TRAF3IP2: variants seen among roughly 807,000 people sequenced by gnomAD.
TRAF3IP2 encodes TRAF3 interacting protein 2, also known as E3 ubiquitin ligase TRAF3IP2.
TRAF3IP2 carries 35 observed loss-of-function variants against 57.9 expected under a neutral mutation model. The observed-to-expected ratio is 0.60, with a 90% CI of 0.46 to 0.80. TRAF3IP2 has a LOEUF of 0.80. TRAF3IP2 is among the 30% of genes least tolerant of loss of function. TRAF3IP2 has a pLI of 0.00. For missense variants in TRAF3IP2, 556 were observed against 706.4 expected (o/e 0.79, Z 2.41); for synonymous variants, 251 against 268.9 (o/e 0.93, Z 0.65).
At chr6:111,595,048 A>C (rs556112171) in intron 1 of TRAF3IP2, among the ~76,000 whole-genome samples, 1 of 152,350 alleles carries the variant, frequency 6.6e-6, no homozygotes, top group Admixed American at 6.5e-5. Context: ...CCTGGCCAAC[A>C]TGGTGAAACC....
rs1017585005 is a variant in TRAF3IP2 at position 111,599,066 on chromosome 6, ATTTTTT to A, written c.-9+6704_-9+6709del. On this transcript the variant is annotated intron_variant, in intron 1 of 8. Transcript: ENST00000368761. The stretch of plus-strand genomic sequence containing the variant: ...AGGCATGCACCACCACACCTGGTTA[ATTTTTT>A]TTTTTTTTTTTTTTTTGTAGCGACA... Among the ~76,000 whole-genome samples, 19 of 129,058 alleles carry A rather than the reference ATTTTTT, an allele frequency of 1.5e-4. 1 individual carries two copies. The highest frequency in any genetic ancestry group is 1.3e-3 in the East Asian group (6 of 4,700). 84.7% of individuals were successfully genotyped at this position (129,058 alleles called of 152,430 possible).
intron 3 of TRAF3IP2, chr6:111,576,377 T>C (rs936281139): frequency 3.3e-5 from 5 of 152,298 alleles, no homozygotes. Flanking sequence ...CCACGAGCAT[T>C]CTGCTGAGAT....
rs755939708 is a variant in TRAF3IP2 at position 111,591,559 on chromosome 6, C to T, written c.528G>A (p.Glu176=). The T allele has an allele frequency of 4.3e-6, 7 of 1,614,132 alleles. No homozygotes were observed. ...ASADSLGGSQ[E]MVQRPQPHRN... is the part of the protein sequence containing the mutation. ...TGTGAGGCTGGGGCCGTTGCACCAT[C>T]TCCTGGCTACCGCCCAAGGAGTCTG... The change falls in exon 2 of 9, where the codon GAG becomes GAA. Residue 176 remains glutamate (E), a synonymous_variant. Transcript: ENST00000368761. The surrounding 1 kb of genome is among the most constrained non-coding windows in gnomAD (Gnocchi z 4.9).
At chr6:111,587,244 T>C (rs1204718961) in intron 2 of TRAF3IP2, 9 of 152,204 alleles carry the variant, frequency 5.9e-5, no homozygotes, top group Admixed American at 5.9e-4. Context: ...TTTATTTTTA[T>C]GTTTTCTATG....
At chr6:111,580,050 G>GA (rs34781420) in intron 3 of TRAF3IP2, 147 bp downstream of exon 3, 52,988 of 897,896 alleles carry the variant, frequency 0.059, 1,786 homozygotes, top group African/African-American at 0.067. Flanking sequence ...CTCCTGACCT[G>GA]AAAAGTCTAT....
rs955583749 is a variant in TRAF3IP2 at position 111,567,243 on chromosome 6, C to A, written c.1359+381G>T. The A allele has an allele frequency of 3.9e-6, 4 of 1,015,282 alleles. No individual in the cohort carries two copies. In the African/African-American group the frequency reaches 6.9e-5, roughly 18 times the overall value. The allele number at this position is 1,015,282 out of a possible 1,614,324, so 62.9% of individuals were successfully genotyped here. A position where few individuals can be genotyped will look rare whatever the true frequency, so the allele number is the denominator to read the frequency against. On this transcript the variant is annotated intron_variant, in intron 6 of 8. Transcript: ENST00000368761. ...CGGGGGTGGTGTGCTGTGCAGCCTG[C>A]GAGGCTGCCTAGGAAACCTCTTCAG...
At position 111,599,865 on chromosome 6, in the gene TRAF3IP2, G is replaced by T. The variant is rs537997522; in HGVS notation, c.-9+5911C>A. On this transcript the variant is annotated intron_variant, in intron 1 of 8. Coordinates refer to ENST00000368761, the MANE Select transcript of TRAF3IP2 (RefSeq NM_147686.4). ...AGTGAACAGTGGCTTCTGCCTTCCA[G>T]ATGGGCTTACCCTAAATCAACACAT... 1.3e-5 allele frequency: 2 copies of T among 152,288 alleles called. 1 individual carries two copies. Among genetic ancestry groups the T allele is most frequent in the East Asian group, 3.9e-4 (2 of 5,180 alleles). 9.4% of individuals were successfully genotyped at this position (152,288 alleles called of 1,614,324 possible).
intron 2 of TRAF3IP2, among the ~76,000 whole-genome samples, chr6:111,582,823 CACT>C (rs1796208456): frequency 6.6e-6 from 1 of 152,150 alleles, no homozygotes; most frequent in South Asian, 2.1e-4. Context: ...TCTTGCCTCC[CACT>C]ACACTCTCAC....
intron 2 of TRAF3IP2, chr6:111,587,252 A>G (rs981135207): frequency 6.6e-6 from 1 of 151,708 alleles, no homozygotes; most frequent in African/African-American, 2.4e-5. Context: ...TATGTTTTCT[A>G]TGTGTTTTTG....
chr6:111,562,725 A>T (rs1439365519), intron 8 of TRAF3IP2, among the ~76,000 whole-genome samples: 1 of 151,998 alleles, frequency 6.6e-6, no homozygotes, highest in Non-Finnish European at 1.5e-5. Context: ...GGGACCTGTA[A>T]TCCCAGCTAC....
Position 111,559,371 on chromosome 6 carries a change from T to C in TRAF3IP2, c.*34A>G, listed in dbSNP as rs1296563854. 23 of 1,602,686 alleles carry C rather than the reference T, an allele frequency of 1.4e-5. No homozygotes were observed. In the Admixed American group the frequency reaches 3.2e-4, roughly 23 times the overall value. ...TGCTGTCAGAACAAGGCCCCAAACA[T>C]GGCCTGGCCTCAGTGATCTGGGGAT... On this transcript the variant is annotated 3_prime_UTR_variant, in exon 9 of 9. Coordinates refer to ENST00000368761, the MANE Select transcript of TRAF3IP2 (RefSeq NM_147686.4).
intron 2 of TRAF3IP2, among the ~76,000 whole-genome samples, chr6:111,587,518 G>C (rs1158824841): frequency 6.6e-6 from 1 of 151,950 alleles, no homozygotes; most frequent in Non-Finnish European, 1.5e-5. Context: ...GCCTCCCAAG[G>C]TGTTGGGATT....
At chr6:111,605,444 G>T (rs1282357695) in intron 1 of TRAF3IP2, among the ~76,000 whole-genome samples, 2 of 152,234 alleles carry the variant, frequency 1.3e-5, no homozygotes, top group Non-Finnish European at 2.9e-5. Flanking sequence ...TTGAATTCTT[G>T]AGAGAAACTT....
chr6:111,570,661 A>T (rs1464180456), intron 5 of TRAF3IP2, among the ~76,000 whole-genome samples: 3 of 152,190 alleles, frequency 2.0e-5, no homozygotes, highest in Admixed American at 2.0e-4. Flanking sequence ...GCTCTCCTCC[A>T]GGGGCAATCA....
At chr6:111,602,742 C>T (rs1796911454) in intron 1 of TRAF3IP2, among the ~76,000 whole-genome samples, 1 of 152,020 alleles carries the variant, frequency 6.6e-6, no homozygotes, top group Admixed American at 6.6e-5. Context: ...GGAGGGAGAC[C>T]TGTTGACTCT....
chr6:111,582,429 C>G (rs1258033000), intron 2 of TRAF3IP2, among the ~76,000 whole-genome samples: 2 of 152,096 alleles, frequency 1.3e-5, no homozygotes, highest in Non-Finnish European at 2.9e-5. Flanking sequence ...TATCCCTGCA[C>G]CTGGATGACA....
At chr6:111,600,942 T>C (rs748250028) in intron 1 of TRAF3IP2, 85 of 365,936 alleles carry the variant, frequency 2.3e-4, no homozygotes, top group Non-Finnish European at 3.3e-4. Context: ...CTAAGTACTA[T>C]TGTCAGACTC....
At chr6:111,604,421 ACT>A (rs1311236065) in intron 1 of TRAF3IP2, among the ~76,000 whole-genome samples, 2 of 152,138 alleles carry the variant, frequency 1.3e-5, no homozygotes, top group African/African-American at 4.8e-5. Flanking sequence ...TACAGCAGTA[ACT>A]CTGGCTTCTG....
chr6:111,560,960 T>C (rs1795411712), intron 8 of TRAF3IP2, among the ~76,000 whole-genome samples: 1 of 152,094 alleles, frequency 6.6e-6, no homozygotes, highest in Admixed American at 6.6e-5. Flanking sequence ...GGAGAGTGGA[T>C]TACCTGAGGT....
Sources: allele counts gnomAD v4.1 joint callset (sites outside exome capture counted in the v4.1 genomes callset), GRCh38; gene constraint gnomAD v4.1.1; non-coding constraint Gnocchi (gnomAD v3.1); transcripts MANE v1.5; gene names NCBI Gene and HGNC (gene_info 2026-07-23, HGNC 2026-07-21).